Variants in DLG2 observed in about 807,000 individuals in gnomAD.
The protein encoded by DLG2 is discs large MAGUK scaffold protein 2.
A neutral mutation model predicts 132.5 loss-of-function variants in DLG2; 45 were observed. That is an observed-to-expected ratio of 0.34 (90% CI 0.27 to 0.44). The LOEUF (loss-of-function observed/expected upper bound fraction) is 0.44. Ranked by LOEUF, DLG2 falls within the 20% of genes least tolerant of loss-of-function variation. The probability of loss-of-function intolerance (pLI) is 1.00; values close to 1 mark genes in which losing one functional copy is unlikely to be tolerated. For missense variants in DLG2, 1,045 were observed against 1,196.9 expected, an observed-to-expected ratio of 0.87 and a Z score of 1.87; for synonymous variants, 424 against 419.6, an observed-to-expected ratio of 1.01 and a Z score of -0.13.
chr11:83,813,052 G>A lies in DLG2; in HGVS notation c.1722+20562C>T, dbSNP rs541052744. ...TTAACCCCCATAACAATCCTTTGAA[G>A]CAGGAGTCATTGGCTCCATTTTATA... On this transcript the variant is annotated intron_variant, in intron 17 of 27. Transcript: ENST00000376104. Among the ~76,000 whole-genome samples the A allele has an allele frequency of 3.5e-4, 54 of 152,254 alleles. No individual in the cohort carries two copies. In the Middle Eastern group the frequency reaches 0.01, roughly 29 times the overall value.
intron 6 of DLG2, among the ~76,000 whole-genome samples, chr11:84,751,696 A>C (rs17147545): frequency 0.013 from 1,907 of 152,316 alleles, 51 homozygotes; most frequent in African/African-American, 0.044. Flanking sequence ...GATATCCTTA[A>C]ATCAACTTGA....
intron 6 of DLG2, among the ~76,000 whole-genome samples, chr11:84,928,552 C>A (rs572512515): frequency 1.9e-4 from 29 of 152,002 alleles, no homozygotes; most frequent in Admixed American, 1.8e-3. Flanking sequence ...AAGGTGCTAT[C>A]ATTCCTTTTG....
chr11:83,546,502 A>G (rs775865659), intron 19 of DLG2, among the ~76,000 whole-genome samples: 2 of 152,184 alleles, frequency 1.3e-5, no homozygotes, highest in Non-Finnish European at 2.9e-5. Flanking sequence ...ATGGGATGAC[A>G]CATGTAAAGT....
chr11:84,407,016 C>T (rs918001806), intron 7 of DLG2, among the ~76,000 whole-genome samples: 2 of 152,166 alleles, frequency 1.3e-5, no homozygotes, highest in Admixed American at 6.5e-5. Context: ...GGCCCAAATT[C>T]TAAAACTTTA....
intron 6 of DLG2, among the ~76,000 whole-genome samples, chr11:84,869,147 G>A (rs1185694277): frequency 2.6e-5 from 4 of 152,090 alleles, no homozygotes; most frequent in African/African-American, 9.7e-5. Flanking sequence ...TTTCTAATCT[G>A]TCCACAATGC....
chr11:85,351,523 T>A (rs2083285425), intron 3 of DLG2, among the ~76,000 whole-genome samples: 1 of 152,220 alleles, frequency 6.6e-6, no homozygotes, highest in South Asian at 2.1e-4. Flanking sequence ...TTTTTGCCCA[T>A]TCAGTATGAT....
At chr11:85,192,261 T>C (rs1472522020) in intron 4 of DLG2, among the ~76,000 whole-genome samples, 2 of 152,246 alleles carry the variant, frequency 1.3e-5, no homozygotes. Context: ...AAAGCATGTA[T>C]TGAGTTCAGT....
chr11:83,900,041 T>G (rs760943035), intron 15 of DLG2, among the ~76,000 whole-genome samples: 12 of 152,106 alleles, frequency 7.9e-5, no homozygotes, highest in Admixed American at 7.9e-4. Context: ...GGAGCAAAGG[T>G]GACTCTTGGT....
At chr11:83,898,070 T>A (rs2154095289) in intron 15 of DLG2, among the ~76,000 whole-genome samples, 1 of 152,232 alleles carries the variant, frequency 6.6e-6, no homozygotes, top group South Asian at 2.1e-4. Flanking sequence ...ACAAAGGGCC[T>A]TGGGAACTTT....
Position 84,442,701 on chromosome 11 carries a change from A to T in DLG2, c.519+91869T>A, listed in dbSNP as rs12271682. The stretch of plus-strand genomic sequence containing the variant: ...TGTATCCCAGAACTTAAGTATAATT[A>T]AAAAAAAAGAAAGAAAGAAAGAAAG... On this transcript the variant is annotated intron_variant, in intron 7 of 27. Transcript: ENST00000376104. 4.4e-3 allele frequency among the ~76,000 whole-genome samples: 592 copies of T among 133,206 alleles called. 4 individuals carry two copies. Among genetic ancestry groups the T allele is most frequent in the Non-Finnish European group, 6.9e-3 (455 of 65,988 alleles). 87.4% of individuals were successfully genotyped at this position (133,206 alleles called of 152,430 possible).
At position 85,129,951 on chromosome 11, in the gene DLG2, C is replaced by T. The variant is rs190913473; in HGVS notation, c.283-18216G>A. Reference sequence around the variant, plus strand: ...AATCATCATTCTCAGCAAACTAACACAGGAATAGAAAACCAAACACCACAT... The same window carrying T: ...AATCATCATTCTCAGCAAACTAACATAGGAATAGAAAACCAAACACCACAT... On this transcript the variant is annotated intron_variant, in intron 5 of 27. Coordinates refer to ENST00000376104, the MANE Select transcript of DLG2 (RefSeq NM_001142699.3). Among the ~76,000 whole-genome samples, 19 of 152,062 alleles carry T rather than the reference C, an allele frequency of 1.2e-4. No individual in the cohort carries two copies. In the East Asian group the frequency reaches 3.3e-3, roughly 26 times the overall value.
chr11:84,118,478 C>T lies in DLG2; in HGVS notation c.625-19431G>A, dbSNP rs147368013. On this transcript the variant is annotated intron_variant, in intron 9 of 27. Transcript: ENST00000376104. ...TCCCATCTACTAGAGTGAAGTATAG[C>T]CTAAATCATTTTTCTCTAACGAGTT... 9.5e-3 allele frequency among the ~76,000 whole-genome samples: 1,445 copies of T among 152,204 alleles called. 21 individuals are homozygous for T. The highest frequency in any genetic ancestry group is 0.011 in the Non-Finnish European group (716 of 68,002).
chr11:83,469,050 C>T (rs574956184), intron 25 of DLG2, 151 bp downstream of exon 25: 2 of 631,542 alleles, frequency 3.2e-6, no homozygotes, highest in South Asian at 2.3e-5. Context: ...TGACATTGCT[C>T]TAAGGTGATT....
chr11:85,069,330 C>T (rs1337090437), intron 6 of DLG2, among the ~76,000 whole-genome samples: 1 of 152,094 alleles, frequency 6.6e-6, no homozygotes, highest in African/African-American at 2.4e-5. Flanking sequence ...AGAGCTTCTG[C>T]ACAGCAAAAG....
intron 21 of DLG2, among the ~76,000 whole-genome samples, chr11:83,488,454 T>TGAAA (rs1407821222): frequency 3.9e-5 from 6 of 151,962 alleles, no homozygotes; most frequent in Admixed American, 3.3e-4. Context: ...ACATGCTTCA[T>TGAAA]GAAAGAAGGA....
chr11:83,565,165 G>C (rs2096683301), intron 19 of DLG2, among the ~76,000 whole-genome samples: 1 of 152,106 alleles, frequency 6.6e-6, no homozygotes, highest in Admixed American at 6.6e-5. Context: ...GGCCACCTCA[G>C]TACTCTGTTA....
intron 18 of DLG2, among the ~76,000 whole-genome samples, chr11:83,698,253 G>T (rs765454364): frequency 2.7e-4 from 41 of 152,062 alleles, no homozygotes; most frequent in Admixed American, 5.2e-4. Context: ...TTCCAAAATT[G>T]GCTAAAAACC....
intron 27 of DLG2, among the ~76,000 whole-genome samples, chr11:83,461,391 G>GGAATACA (rs1050880235): frequency 1.3e-5 from 2 of 151,926 alleles, no homozygotes; most frequent in Non-Finnish European, 2.9e-5. Flanking sequence ...AAAGTATATA[G>GGAATACA]GAATACAGAA....
intron 19 of DLG2, among the ~76,000 whole-genome samples, chr11:83,612,144 C>G (rs2060206607): frequency 6.6e-6 from 1 of 152,178 alleles, no homozygotes. Context: ...CATCCATTAT[C>G]TGTCCCCACC....
Sources: allele counts gnomAD v4.1 joint callset (sites outside exome capture counted in the v4.1 genomes callset), GRCh38; gene constraint gnomAD v4.1.1; transcripts MANE v1.5; gene names NCBI Gene and HGNC (gene_info 2026-07-23, HGNC 2026-07-21).